Variants in CSMD3 observed in about 807,000 individuals in gnomAD.
The protein encoded by CSMD3 is CUB and Sushi multiple domains 3.
In CSMD3, 177 loss-of-function variants were observed where a neutral mutation model predicts 435.2. The observed-to-expected ratio is 0.41, with a 90% CI of 0.36 to 0.46. The LOEUF (loss-of-function observed/expected upper bound fraction) is 0.46, where lower values mean the gene tolerates loss of function less well. Among genes scored for constraint, CSMD3 ranks in the 20% least tolerant of loss-of-function variants. CSMD3 has a pLI of 0.34. For missense variants in CSMD3, 4,265 were observed against 4,504.6 expected (o/e 0.95, Z 1.52); for synonymous variants, 1,656 against 1,520.5 (o/e 1.09, Z -2.07).
intron 27 of CSMD3, among the ~76,000 whole-genome samples, chr8:112,525,829 A>T (rs924706475): frequency 3.8e-4 from 44 of 116,026 alleles, no homozygotes; most frequent in Admixed American, 3.1e-3. Context: ...TATAAAAAAT[A>T]TATATATATA....
intron 61 of CSMD3, among the ~76,000 whole-genome samples, chr8:112,263,230 TA>T (rs1441648493): frequency 6.6e-6 from 1 of 151,850 alleles, no homozygotes; most frequent in Non-Finnish European, 1.5e-5. Flanking sequence ...TCCCAATCAT[TA>T]TCATGACAAA....
intron 32 of CSMD3, among the ~76,000 whole-genome samples, chr8:112,454,070 C>T (rs1816573070): frequency 6.6e-6 from 1 of 152,150 alleles, no homozygotes; most frequent in Non-Finnish European, 1.5e-5. Context: ...AATTGGTCTC[C>T]TGCCTTTGAC....
At chr8:113,138,829 G>GTGTGTT (rs2091480173) in intron 4 of CSMD3, among the ~76,000 whole-genome samples, 2 of 150,744 alleles carry the variant, frequency 1.3e-5, no homozygotes, top group African/African-American at 4.9e-5. Flanking sequence ...GTGTGTGTGT[G>GTGTGTT]TGTGTGTGTC....
chr8:112,619,903 A>C (rs1438248866), intron 22 of CSMD3, among the ~76,000 whole-genome samples: 1 of 152,174 alleles, frequency 6.6e-6, no homozygotes, highest in Non-Finnish European at 1.5e-5. Flanking sequence ...CATGAGATCT[A>C]AAATGATGTT....
At chr8:112,273,541 C>T (rs919641742) in intron 59 of CSMD3, among the ~76,000 whole-genome samples, 51 of 151,556 alleles carry the variant, frequency 3.4e-4, no homozygotes, top group African/African-American at 1.1e-3. Context: ...CTGGATAACA[C>T]GGTGAAACCC....
intron 13 of CSMD3, among the ~76,000 whole-genome samples, chr8:112,768,978 T>C (rs558901869): frequency 6.6e-6 from 1 of 152,062 alleles, no homozygotes; most frequent in East Asian, 1.9e-4. Flanking sequence ...CATATCCAAT[T>C]ACCTACTCCA....
intron 35 of CSMD3, among the ~76,000 whole-genome samples, chr8:112,400,356 C>A (rs893328610): frequency 6.6e-6 from 1 of 152,008 alleles, no homozygotes; most frequent in African/African-American, 2.4e-5. Flanking sequence ...TCCTAATGGC[C>A]CCACCTCCCA....
At chr8:113,180,736 C>T (rs1479598498) in intron 3 of CSMD3, among the ~76,000 whole-genome samples, 2 of 151,976 alleles carry the variant, frequency 1.3e-5, no homozygotes, top group Non-Finnish European at 2.9e-5. Context: ...ATGATTTAAA[C>T]TTGTTTTAAT....
At chr8:113,076,626 C>T (rs937117321) in intron 5 of CSMD3, among the ~76,000 whole-genome samples, 20 of 151,964 alleles carry the variant, frequency 1.3e-4, no homozygotes, top group Admixed American at 2.0e-4. Context: ...AATGCTTTTT[C>T]TTCATAAAAA....
At chr8:112,775,530 T>TCA (rs146789740) in intron 13 of CSMD3, among the ~76,000 whole-genome samples, 1 of 45,788 alleles carries the variant, frequency 2.2e-5, no homozygotes, top group African/African-American at 9.3e-5. Context: ...TTATTTTAAA[T>TCA]CGTAGCAAAA....
At chr8:112,484,533 G>A (rs1045823370) in intron 31 of CSMD3, among the ~76,000 whole-genome samples, 1 of 151,376 alleles carries the variant, frequency 6.6e-6, no homozygotes, top group Non-Finnish European at 1.5e-5. Flanking sequence ...ATATGGTCCA[G>A]TAAAACTGAC....
intron 22 of CSMD3, among the ~76,000 whole-genome samples, chr8:112,597,257 G>C (rs1011290960): frequency 3.3e-5 from 5 of 152,076 alleles, no homozygotes; most frequent in Non-Finnish European, 2.9e-5. Context: ...AAATAAACTA[G>C]AAAATCTAGA....
chr8:112,862,892 G>A (rs920913810), intron 10 of CSMD3, among the ~76,000 whole-genome samples: 4 of 151,998 alleles, frequency 2.6e-5, no homozygotes, highest in African/African-American at 7.2e-5. Flanking sequence ...CCAGGCTGTC[G>A]CCAAAATAAT....
chr8:112,419,508 T>C (rs1265228526), intron 32 of CSMD3, among the ~76,000 whole-genome samples: 1 of 152,224 alleles, frequency 6.6e-6, no homozygotes, highest in Non-Finnish European at 1.5e-5. Context: ...AGGTTTGCTT[T>C]GAACTTAACA....
intron 33 of CSMD3, 90 bp downstream of exon 33, chr8:112,408,829 T>G (rs1429662825): frequency 6.3e-7 from 1 of 1,598,284 alleles, no homozygotes; most frequent in Admixed American, 1.7e-5. Context: ...TTTCTTATAT[T>G]GATGATATAA....
Position 113,379,039 on chromosome 8 carries a change from A to T in CSMD3, c.178+57638T>A, listed in dbSNP as rs187220445. On this transcript the variant is annotated intron_variant, in intron 1 of 70. Coordinates refer to ENST00000297405, the MANE Select transcript of CSMD3 (RefSeq NM_198123.2). ...CTGTGAAAAACTGTGTATTATCATT[A>T]GGTTTTAAGTGAGATACTAATAACA... Among the ~76,000 whole-genome samples, 730 of 152,288 alleles carry T rather than the reference A, an allele frequency of 4.8e-3. 12 individuals carry two copies. Among genetic ancestry groups the T allele is most frequent in the African/African-American group, 0.017 (703 of 41,548 alleles).
At position 112,492,699 on chromosome 8, in the gene CSMD3, A is replaced by G; in HGVS notation, c.5084-16T>C. 1 of 1,605,928 alleles carries G rather than the reference A, an allele frequency of 6.2e-7. No individual in the cohort carries two copies. The highest frequency in any genetic ancestry group is 8.5e-7 in the Non-Finnish European group (1 of 1,172,652). On this transcript the variant is annotated splice_polypyrimidine_tract_variant and intron_variant, in intron 30 of 70. Coordinates refer to ENST00000297405, the MANE Select transcript of CSMD3 (RefSeq NM_198123.2). ...CGCAGTTTTGCTGTAAAACAGTGTT[A>G]GTATAACATTAATTGCTTTAAAATA...
chr8:112,621,482 G>A (rs576321718), intron 22 of CSMD3, among the ~76,000 whole-genome samples: 38 of 152,096 alleles, frequency 2.5e-4, no homozygotes, highest in African/African-American at 9.2e-4. Flanking sequence ...TAGATTCACT[G>A]TCTGCAATTC....
intron 50 of CSMD3, among the ~76,000 whole-genome samples, chr8:112,309,561 C>G (rs1821760698): frequency 6.6e-6 from 1 of 152,056 alleles, no homozygotes; most frequent in Middle Eastern, 3.4e-3. Flanking sequence ...AATACTCCTG[C>G]TATTCATTGG....
Sources: allele counts gnomAD v4.1 joint callset (sites outside exome capture counted in the v4.1 genomes callset), GRCh38; gene constraint gnomAD v4.1.1; transcripts MANE v1.5; gene names NCBI Gene and HGNC (gene_info 2026-07-23, HGNC 2026-07-21).